KMT2C: variants seen among roughly 807,000 people sequenced by gnomAD.
KMT2C encodes lysine methyltransferase 2C, also known as histone-lysine N-methyltransferase 2C.
A neutral mutation model predicts 507.9 loss-of-function variants in KMT2C; 88 were observed. That is an observed-to-expected ratio of 0.17 (90% confidence interval 0.15 to 0.21). KMT2C has a LOEUF of 0.21. KMT2C is among the 10% of genes least tolerant of loss of function. The pLI, the probability that KMT2C is intolerant of heterozygous loss-of-function variation, is 1.00. For synonymous variants in KMT2C, 2,049 were observed against 2,080.8 expected, an observed-to-expected ratio of 0.98 and a Z score of 0.42; for missense variants, 4,954 against 5,957.8, an observed-to-expected ratio of 0.83 and a Z score of 5.55.
intron 1 of KMT2C, among the ~76,000 whole-genome samples, chr7:152,396,602 T>C (rs866688623): frequency 6.6e-6 from 1 of 152,212 alleles, no homozygotes; most frequent in Non-Finnish European, 1.5e-5. Context: ...GTTATGACTT[T>C]AGGGATACCA....
intron 26 of KMT2C, among the ~76,000 whole-genome samples, chr7:152,201,414 A>G (rs933803256): frequency 3.3e-5 from 5 of 152,012 alleles, no homozygotes; most frequent in Non-Finnish European, 7.4e-5. Context: ...ATTAGACCTA[A>G]TAATTTTAAA....
intron 1 of KMT2C, among the ~76,000 whole-genome samples, chr7:152,362,195 A>T (rs1372308964): frequency 6.6e-6 from 1 of 152,222 alleles, no homozygotes; most frequent in Non-Finnish European, 1.5e-5. Context: ...TTTTGTAAGG[A>T]GCCACTTTAG....
chr7:152,185,321 TA>T (rs1206784693), intron 34 of KMT2C, among the ~76,000 whole-genome samples: 4 of 152,170 alleles, frequency 2.6e-5, no homozygotes, highest in African/African-American at 7.2e-5. Flanking sequence ...CCTTCCCCCC[TA>T]AAACAGCTGA....
intron 46 of KMT2C, 145 bp downstream of exon 46, chr7:152,155,765 T>C (rs1413816156): frequency 9.9e-6 from 8 of 809,794 alleles, no homozygotes; most frequent in Non-Finnish European, 1.5e-5. Flanking sequence ...TCTTATAAAC[T>C]TTAAATCCTG....
chr7:152,386,259 G>T (rs1589642478), intron 1 of KMT2C, among the ~76,000 whole-genome samples: 2 of 151,894 alleles, frequency 1.3e-5, no homozygotes, highest in African/African-American at 4.8e-5. Flanking sequence ...GAGGACTTTT[G>T]TAAGAATTAA....
intron 1 of KMT2C, among the ~76,000 whole-genome samples, chr7:152,411,541 G>A (rs1477093097): frequency 6.6e-6 from 1 of 152,228 alleles, no homozygotes; most frequent in African/African-American, 2.4e-5. Flanking sequence ...GGAGGGGGAA[G>A]AAGGTGGAAG....
At chr7:152,355,740 G>A (rs561108614) in intron 2 of KMT2C, among the ~76,000 whole-genome samples, 1 of 152,122 alleles carries the variant, frequency 6.6e-6, no homozygotes, top group Non-Finnish European at 1.5e-5. Flanking sequence ...AATTTTAGTA[G>A]AATGGGAGGA....
At chr7:152,210,542 T>A (rs192432548) in intron 23 of KMT2C, among the ~76,000 whole-genome samples, 2 of 151,816 alleles carry the variant, frequency 1.3e-5, no homozygotes, top group Non-Finnish European at 2.9e-5. Context: ...TTTATGAGTT[T>A]TTTTTTTTTT....
intron 6 of KMT2C, among the ~76,000 whole-genome samples, chr7:152,290,517 C>T (rs2096410152): frequency 6.6e-6 from 1 of 150,834 alleles, no homozygotes; most frequent in East Asian, 1.9e-4. Context: ...ACAATCTTGG[C>T]CATGCTGGTC....
At position 152,146,692 on chromosome 7, in the gene KMT2C, T is replaced by C. The variant is rs1005535595; in HGVS notation, c.13938A>G (p.Lys4646=). ...KILEPVACVR[K]KSEMLQLFPA... ...GGAAAAGCTGGAGCATTTCAGACTT[T>C]TTTCTCACACATGCCACAGGCTCCA... The change falls in exon 53 of 59, where the codon AAA becomes AAG. Residue 4646 remains lysine (K), a synonymous_variant. Coordinates refer to ENST00000262189, the MANE Select transcript of KMT2C (RefSeq NM_170606.3). The C allele has an allele frequency of 1.2e-6, 2 of 1,614,116 alleles. No homozygotes were observed. Among genetic ancestry groups the C allele is most frequent in the African/African-American group, 1.3e-5 (1 of 75,022 alleles).
intron 14 of KMT2C, among the ~76,000 whole-genome samples, chr7:152,243,579 C>A (rs1354415351): frequency 6.6e-6 from 1 of 151,966 alleles, no homozygotes; most frequent in African/African-American, 2.4e-5. Context: ...GTCAGGAATT[C>A]GAGACCAGCC....
At chr7:152,424,293 T>A (rs911430954) in intron 1 of KMT2C, among the ~76,000 whole-genome samples, 10 of 152,152 alleles carry the variant, frequency 6.6e-5, no homozygotes, top group African/African-American at 2.4e-4. Flanking sequence ...ATACTCTTTG[T>A]TCTTAGCGTC....
At chr7:152,384,181 G>A (rs1328692018) in intron 1 of KMT2C, among the ~76,000 whole-genome samples, 7 of 152,100 alleles carry the variant, frequency 4.6e-5, no homozygotes, top group Admixed American at 1.3e-4. Context: ...GCTGCCCCAA[G>A]AGTTCCACAG....
chr7:152,343,987 A>G (rs2129221502), intron 2 of KMT2C, among the ~76,000 whole-genome samples: 1 of 146,852 alleles, frequency 6.8e-6, no homozygotes, highest in East Asian at 2.0e-4. Flanking sequence ...AAGTGAAGAT[A>G]AAATTTTAAA....
chr7:152,242,360 T>C (rs963699974), intron 14 of KMT2C, among the ~76,000 whole-genome samples: 5 of 152,208 alleles, frequency 3.3e-5, no homozygotes, highest in African/African-American at 1.2e-4. Context: ...AGTAATAACC[T>C]AGAATCTTGA....
intron 1 of KMT2C, among the ~76,000 whole-genome samples, chr7:152,378,393 C>A (rs1358614552): frequency 1.3e-5 from 2 of 151,786 alleles, no homozygotes; most frequent in Non-Finnish European, 2.9e-5. Context: ...CCTCTATCAG[C>A]AAAAAATCTT....
intron 6 of KMT2C, among the ~76,000 whole-genome samples, chr7:152,308,920 C>T (rs945200637): frequency 2.0e-5 from 3 of 151,962 alleles, no homozygotes; most frequent in Non-Finnish European, 4.4e-5. Context: ...GGGAGGAAGC[C>T]GTTTCATTTG....
rs1390313663 is a variant in KMT2C, at chr7:152,182,194, G to A, written c.5666C>T (p.Ser1889Leu). The A allele has an allele frequency of 1.2e-6, 2 of 1,614,042 alleles. No individual in the cohort carries two copies. The highest frequency in any genetic ancestry group is 8.5e-7 in the Non-Finnish European group (1 of 1,180,038). ...TGGATCCATTGGAGATGGTGGTCGT[G>A]AGTTAGAGGACCCAGGTGAAAACAC... ...PQVFSPGSSN[S>L]RPPSPMDPYA... The change falls in exon 36 of 59, where the codon TCA becomes TTA. Residue 1889 changes from serine to leucine, a missense_variant. Coordinates refer to ENST00000262189, the MANE Select transcript of KMT2C (RefSeq NM_170606.3).
Position 152,202,992 on chromosome 7 carries a change from T to G in KMT2C, c.4034A>C (p.Lys1345Thr), listed in dbSNP as rs1208614533. The G allele has an allele frequency of 6.2e-7, 1 of 1,610,696 alleles. No individual in the cohort carries two copies. The highest frequency in any genetic ancestry group is 2.2e-5 in the East Asian group (1 of 44,702). ...ATTTTTCCTTTTTCGGTATCTCTTCTTTATTTTTTCAGTGCTTTCAGTAAC... is the reference window on the plus strand; with the variant it reads ...ATTTTTCCTTTTTCGGTATCTCTTCGTTATTTTTTCAGTGCTTTCAGTAAC... ...VSVTESTEKI[K>T]KRYRKRKNKL... Residue 1345 changes from lysine (K) to threonine (T), a missense_variant, in exon 26 of 59, where the codon AAG becomes ACG. Physicochemically the swap from Lys to Thr is moderately conservative, Grantham distance 78. This residue lies in a region of KMT2C where 176 missense variants were observed against 262.0 expected (regional missense o/e 0.67). Coordinates refer to ENST00000262189, the MANE Select transcript of KMT2C (RefSeq NM_170606.3).
Sources: gnomAD v4.1 joint callset for allele counts (sites outside exome capture counted in the v4.1 genomes callset) on GRCh38, gnomAD v4.1.1 for gene constraint, gnomAD v4.1.1 regional missense constraint, MANE v1.5 for transcripts, NCBI Gene and HGNC (gene_info 2026-07-23, HGNC 2026-07-21) for gene names.